Variants in AGMO observed in about 807,000 individuals in gnomAD.
AGMO encodes the protein glyceryl-ether monooxygenase.
In AGMO, 75 loss-of-function variants were observed where a neutral mutation model predicts 60.2. The observed-to-expected ratio is 1.25, with a 90% CI of 1.03 to 1.51. The LOEUF (loss-of-function observed/expected upper bound fraction) is 1.51. AGMO is among the 40% of genes most tolerant of loss of function. The pLI, the probability that AGMO is intolerant of heterozygous loss-of-function variation, is 0.00. For missense variants in AGMO, 763 were observed against 525.5 expected (o/e 1.45, Z -4.42); for synonymous variants, 261 against 177.1 (o/e 1.47, Z -3.76).
chr7:15,329,723 A>G (rs1286510400), intron 12 of AGMO, among the ~76,000 whole-genome samples: 1 of 152,202 alleles, frequency 6.6e-6, no homozygotes, highest in African/African-American at 2.4e-5. Flanking sequence ...GTTTTCCCAG[A>G]GAATCAGAGA....
At chr7:15,367,395 G>T (rs1366462416) in intron 10 of AGMO, among the ~76,000 whole-genome samples, 1 of 151,748 alleles carries the variant, frequency 6.6e-6, no homozygotes, top group Admixed American at 6.6e-5. Context: ...TGTGTTTCTT[G>T]TACTTTAATT....
Position 15,531,456 on chromosome 7 carries a change from A to C in AGMO, c.409+13316T>G, listed in dbSNP as rs183421659. On this transcript the variant is annotated intron_variant, in intron 3 of 12. Transcript: ENST00000342526. ...TATATATATTCTATATATATTCTCTATATATATTCTATATATATTCTCTAT... is the reference window on the plus strand; with the variant it reads ...TATATATATTCTATATATATTCTCTCTATATATTCTATATATATTCTCTAT... 1.1e-3 allele frequency among the ~76,000 whole-genome samples: 27 copies of C among 24,006 alleles called. 4 individuals are homozygous for C. Among genetic ancestry groups the C allele is most frequent in the Admixed American group, 1.8e-3 (2 of 1,130 alleles). 15.7% of individuals were successfully genotyped at this position (24,006 alleles called of 152,430 possible).
rs143366125 is a variant in AGMO, at chr7:15,253,778, A to G, written c.1264-52419T>C. Among the ~76,000 whole-genome samples the G allele has an allele frequency of 3.8e-3, 576 of 152,286 alleles. 5 individuals carry two copies. The highest frequency in any genetic ancestry group is 0.013 in the African/African-American group (549 of 41,566). ...AGCTATAGTCACCCTACTGTGCAAT[A>G]GAGTACCAGAACTTATTCCTCCTAT... On this transcript the variant is annotated intron_variant, in intron 12 of 12. Transcript: ENST00000342526.
intron 3 of AGMO, among the ~76,000 whole-genome samples, chr7:15,515,617 T>C (rs1783788891): frequency 6.6e-6 from 1 of 152,230 alleles, no homozygotes; most frequent in African/African-American, 2.4e-5. Flanking sequence ...AATATCTGTC[T>C]CCAACTAGAA....
At chr7:15,515,130 G>T (rs1321353318) in intron 3 of AGMO, among the ~76,000 whole-genome samples, 1 of 152,186 alleles carries the variant, frequency 6.6e-6, no homozygotes, top group Non-Finnish European at 1.5e-5. Flanking sequence ...TGAAAAGGAA[G>T]CACTATGACT....
chr7:15,358,024 A>T (rs947276565), intron 12 of AGMO, among the ~76,000 whole-genome samples: 2 of 152,228 alleles, frequency 1.3e-5, no homozygotes, highest in Non-Finnish European at 2.9e-5. Context: ...GAAGTTTGCT[A>T]AGAACTGTTG....
intron 12 of AGMO, among the ~76,000 whole-genome samples, chr7:15,342,296 C>T (rs1781880984): frequency 6.6e-6 from 1 of 150,954 alleles, no homozygotes; most frequent in Non-Finnish European, 1.5e-5. Flanking sequence ...GTAAAACCTG[C>T]AAGTGTGCAA....
At chr7:15,171,743 A>T in the AGMO span, among the ~76,000 whole-genome samples, 92 of 152,320 alleles carry the variant, frequency 6.0e-4, 3 homozygotes, top group South Asian at 0.019. Context: ...GTTTCTTATT[A>T]ACATTTAATT....
chr7:15,246,540 C>G (rs117736663), intron 12 of AGMO, among the ~76,000 whole-genome samples: 4,007 of 152,254 alleles, frequency 0.026, 97 homozygotes, highest in Middle Eastern at 0.078. Context: ...AGAGCTTTCT[C>G]AAATTCTTGT....
chr7:15,531,563 C>CTATATATATATTCTA (rs1400319530), intron 3 of AGMO, among the ~76,000 whole-genome samples: 1 of 18,458 alleles, frequency 5.4e-5, no homozygotes, highest in African/African-American at 1.5e-4. Context: ...TATATATTCT[C>CTATATATATATTCTA]TATATATTCC....
chr7:15,387,938 C>T (rs1275361538), intron 8 of AGMO, among the ~76,000 whole-genome samples: 2 of 141,598 alleles, frequency 1.4e-5, no homozygotes, highest in Non-Finnish European at 3.0e-5. Context: ...GACAGAGTCT[C>T]GCTCTGTTGC....
downstream of AGMO, among the ~76,000 whole-genome samples, chr7:15,198,232 A>AGAGAGAGAGAGAGAGAGAGAGAGG (rs1781176880): frequency 8.8e-6 from 1 of 114,178 alleles, no homozygotes; most frequent in Non-Finnish European, 1.7e-5. Flanking sequence ...AGAGAGAGAG[A>AGAGAGAGAGAGAGAGAGAGAGAGG]GAGAGAGAGA....
At position 15,284,360 on chromosome 7, in the gene AGMO, C is replaced by CAA. The variant is rs536445176; in HGVS notation, c.1263+81152_1263+81153dup. 1.6e-4 allele frequency among the ~76,000 whole-genome samples: 24 copies of CAA among 151,794 alleles called. No individual in the cohort carries two copies. In the East Asian group the frequency reaches 4.6e-3, roughly 29 times the overall value. ...AGATTAATCAAGAAGAGAGAGGTTT[C>CAA]AAATAAGATTAAAAATGAAAATGAA... On this transcript the variant is annotated intron_variant, in intron 12 of 12. Transcript: ENST00000342526.
intron 3 of AGMO, among the ~76,000 whole-genome samples, chr7:15,507,180 T>C (rs191505880): frequency 3.7e-4 from 56 of 152,126 alleles, no homozygotes; most frequent in African/African-American, 1.1e-3. Context: ...CAAAGTGCTA[T>C]CAGCATATAC....
rs80248347 is a variant in AGMO at position 15,496,016 on chromosome 7, C to T, written c.409+48756G>A. Among the ~76,000 whole-genome samples the T allele has an allele frequency of 4.0e-3, 605 of 152,220 alleles. 1 individual carries two copies. Among genetic ancestry groups the T allele is most frequent in the African/African-American group, 0.013 (560 of 41,540 alleles). ...ATTACTGGAGATTACAGCTTCCACA[C>T]GTGAATTTTGGGAGACACAAATACT... On this transcript the variant is annotated intron_variant, in intron 3 of 12. Coordinates refer to ENST00000342526, the MANE Select transcript of AGMO (RefSeq NM_001004320.2).
chr7:15,530,834 CTA>C (rs200029392), intron 3 of AGMO, among the ~76,000 whole-genome samples: 39,745 of 78,624 alleles, frequency 0.51, 13,587 homozygotes, highest in East Asian at 0.9. Flanking sequence ...TATATATATT[CTA>C]TATATATATA....
At chr7:15,239,548 T>C (rs777579607) in intron 12 of AGMO, among the ~76,000 whole-genome samples, 9 of 152,128 alleles carry the variant, frequency 5.9e-5, no homozygotes, top group Non-Finnish European at 1.0e-4. Flanking sequence ...TGTGGTTCTC[T>C]ACATTACTTA....
intron 3 of AGMO, among the ~76,000 whole-genome samples, chr7:15,504,001 C>T (rs2083272186): frequency 6.6e-6 from 1 of 151,932 alleles, no homozygotes. Context: ...CTTGAATTGT[C>T]CTCAAAGCAA....
intron 12 of AGMO, among the ~76,000 whole-genome samples, chr7:15,296,468 T>G (rs905300084): frequency 8.5e-5 from 13 of 152,200 alleles, no homozygotes; most frequent in Non-Finnish European, 1.5e-4. Context: ...TGGACTGGAC[T>G]GTACCGTCAC....
Sources: gnomAD v4.1 joint callset for allele counts (sites outside exome capture counted in the v4.1 genomes callset) on GRCh38, gnomAD v4.1.1 for gene constraint, MANE v1.5 for transcripts, NCBI Gene and HGNC (gene_info 2026-07-23, HGNC 2026-07-21) for gene names.